The following RNF138 variants were observed in gnomAD, a reference collection of about 807,000 sequenced individuals.
RNF138 encodes E3 ubiquitin-protein ligase RNF138.
Under a neutral mutation model 31.0 loss-of-function variants are expected in RNF138, and 12 were observed. That is an observed-to-expected ratio of 0.39 (90% CI 0.25 to 0.63). The LOEUF (loss-of-function observed/expected upper bound fraction) is 0.63, where lower values mean the gene tolerates loss of function less well. Among genes scored for constraint, RNF138 ranks in the 20% least tolerant of loss-of-function variants. The probability of loss-of-function intolerance (pLI) is 0.52; values close to 1 mark genes in which losing one functional copy is unlikely to be tolerated. For synonymous variants in RNF138, 105 were observed against 99.5 expected, an observed-to-expected ratio of 1.06 and a Z score of -0.33; for missense variants, 192 against 300.1, an observed-to-expected ratio of 0.64 and a Z score of 2.66.
chr18:32,096,224 A>G (rs28596473), intron 2 of RNF138, among the ~76,000 whole-genome samples: 2,324 of 152,286 alleles, frequency 0.015, 63 homozygotes, highest in African/African-American at 0.053. Context: ...GCGTGGTCAC[A>G]TTTCATTTTT....
At chr18:32,125,956 T>C (rs1202603086) in intron 6 of RNF138, among the ~76,000 whole-genome samples, 1 of 152,204 alleles carries the variant, frequency 6.6e-6, no homozygotes, top group Non-Finnish European at 1.5e-5. Context: ...TTTTACTTAG[T>C]TTTATATTGG....
chr18:32,098,607 C>T (rs1171453689), intron 2 of RNF138, among the ~76,000 whole-genome samples: 4 of 152,058 alleles, frequency 2.6e-5, no homozygotes, highest in African/African-American at 4.8e-5. Context: ...CATCCCAGCA[C>T]TTTGGGAGGC....
intron 4 of RNF138, among the ~76,000 whole-genome samples, chr18:32,119,461 G>A (rs1224823477): frequency 6.6e-6 from 1 of 151,840 alleles, no homozygotes; most frequent in Admixed American, 6.6e-5. Context: ...GTCTAACTCT[G>A]TCTCTCAGGC....
chr18:32,102,742 C>T (rs1211545087), intron 2 of RNF138, among the ~76,000 whole-genome samples: 2 of 151,734 alleles, frequency 1.3e-5, no homozygotes, highest in Admixed American at 1.3e-4. Context: ...AAGTGATTCT[C>T]CTGCCTCAGC....
In RNF138 at chr18:32,111,739, C is replaced by T. The variant is rs754076818; in HGVS notation, c.111-15C>T. The T allele has an allele frequency of 1.2e-6, 2 of 1,603,106 alleles. No homozygotes were observed. The highest frequency in any genetic ancestry group is 3.5e-5 in the Admixed American group (2 of 57,686). On this transcript the variant is annotated splice_polypyrimidine_tract_variant and intron_variant, in intron 2 of 7. Coordinates refer to ENST00000261593, the MANE Select transcript of RNF138 (RefSeq NM_016271.5). ...AATTTTTTTTGTAATTAATGTGTCA[C>T]AATGTTTGGTTTAGTTTCTGTAGAA...
chr18:32,129,167 T>A lies in RNF138; in HGVS notation c.718T>A (p.Ser240Thr). The A allele has an allele frequency of 1.9e-6, 3 of 1,612,054 alleles. No individual in the cohort carries two copies. The highest frequency in any genetic ancestry group is 1.3e-5 in the African/African-American group (1 of 74,988). ...ETQYQTAVEE[S>T]FQVNI ...CCAATACCAAACTGCTGTTGAAGAA[T>A]CTTTTCAAGTAAACATCTGAAGGCT... The change falls in exon 8 of 8, where the codon TCT (serine) becomes ACT (threonine). Residue 240 changes from serine to threonine, a missense_variant. Coordinates refer to ENST00000261593, the MANE Select transcript of RNF138 (RefSeq NM_016271.5).
At chr18:32,129,049 A>C in intron 7 of RNF138, 70 bp from the exon 8 acceptor site, 2 of 1,001,742 alleles carry the variant, frequency 2.0e-6, no homozygotes, top group Admixed American at 1.7e-5. Context: ...CAAGATGTCT[A>C]ATGTTTTGGG....
At chr18:32,127,296 A>G (rs918690768) in intron 7 of RNF138, among the ~76,000 whole-genome samples, 1 of 152,226 alleles carries the variant, frequency 6.6e-6, no homozygotes, top group African/African-American at 2.4e-5. Flanking sequence ...AAGTTATATA[A>G]TGTAAAAATG....
At chr18:32,123,655 T>A in intron 5 of RNF138, 81 bp downstream of exon 5, 1 of 838,068 alleles carries the variant, frequency 1.2e-6, no homozygotes, top group Non-Finnish European at 1.7e-6. Flanking sequence ...AATTAAACTT[T>A]TTTTTTTTTT....
At position 32,129,005 on chromosome 18, in the gene RNF138, GTGTGTAATGTGTGTCAAGA is replaced by G. The variant is rs374063860; in HGVS notation, c.670-101_670-83del. On this transcript the variant is annotated intron_variant, in intron 7 of 7. Transcript: ENST00000261593. ...TATGTTTTACATAACTGTCCTGAGT[GTGTGTAATGTGTGTCAAGA>G]TGTGTAATGTGTATCAAGATGTCTA... The G allele has an allele frequency of 2.6e-3, 1,829 of 695,418 alleles. 35 individuals are homozygous for G. The African/African-American group carries it at 0.027, about 10-fold the overall frequency. The allele number at this position is 695,418 out of a possible 1,614,324, so 43.1% of individuals were successfully genotyped here.
rs149823341 is a variant in RNF138, at chr18:32,122,864, T to C, written c.393-654T>C. Among the ~76,000 whole-genome samples the C allele has an allele frequency of 2.0e-4, 30 of 152,214 alleles. No individual in the cohort carries two copies. The East Asian group carries it at 5.8e-3, about 29-fold the overall frequency. On this transcript the variant is annotated intron_variant, in intron 4 of 7. Transcript: ENST00000261593. ...AACTAAATAAATAAAATTGACCACATTGATCAAATTCTGTAGCACACAGGT... is the reference window on the plus strand; with the variant it reads ...AACTAAATAAATAAAATTGACCACACTGATCAAATTCTGTAGCACACAGGT...
At chr18:32,095,490 G>A (rs955206761) in intron 2 of RNF138, among the ~76,000 whole-genome samples, 1 of 152,138 alleles carries the variant, frequency 6.6e-6, no homozygotes, top group African/African-American at 2.4e-5. Context: ...AATTAACATA[G>A]TTATCTATGT....
chr18:32,121,084 G>A (rs942831293), intron 4 of RNF138, among the ~76,000 whole-genome samples: 6 of 151,458 alleles, frequency 4.0e-5, no homozygotes, highest in Non-Finnish European at 8.8e-5. Context: ...GCAATTAGCC[G>A]CGATCGCGCC....
At chr18:32,126,303 A>T (rs1236544438) in intron 6 of RNF138, among the ~76,000 whole-genome samples, 1 of 152,252 alleles carries the variant, frequency 6.6e-6, no homozygotes, top group Non-Finnish European at 1.5e-5. Flanking sequence ...TTTTTATTTT[A>T]CTTACAAATG....
rs116403100 is a variant in RNF138 at position 32,092,785 on chromosome 18, G to C, written c.9G>C (p.Glu3Asp). MA[E>D]DLSAATSYTE... is the part of the protein sequence containing the mutation. ...TTTCCCCATCCCCCGCCATGGCCGA[G>C]GACCTCTCTGCGGCCACGTCCTACA... The change falls in exon 2 of 8, where the codon GAG becomes GAC. Residue 3 changes from glutamate (E) to aspartate (D), a missense_variant. Coordinates refer to ENST00000261593, the MANE Select transcript of RNF138 (RefSeq NM_016271.5). The C allele has an allele frequency of 1.8e-3, 2,829 of 1,582,670 alleles. 46 individuals are homozygous for C. The African/African-American group carries it at 0.034, about 19-fold the overall frequency.
chr18:32,092,641 C>G (rs944585667), intron 1 of RNF138, 59 bp from the exon 2 acceptor site: 4 of 660,204 alleles, frequency 6.1e-6, no homozygotes, highest in Non-Finnish European at 8.3e-6. Flanking sequence ...GGCCCCGCCC[C>G]CTTCCTGGCG....
In RNF138 at chr18:32,103,463, G is replaced by GAAT. The variant is rs368598319; in HGVS notation, c.111-8290_111-8289insATA. Reference sequence around the variant, plus strand: ...CTGCCTCAGCCTCCCAAAGTGTTGAGATTATAGGTGCGAGCCACTGTGTCT... The same window carrying GAAT: ...CTGCCTCAGCCTCCCAAAGTGTTGAGAATATTATAGGTGCGAGCCACTGTGTCT... On this transcript the variant is annotated intron_variant, in intron 2 of 7. Coordinates refer to ENST00000261593, the MANE Select transcript of RNF138 (RefSeq NM_016271.5). 7.2e-3 allele frequency among the ~76,000 whole-genome samples: 1,091 copies of GAAT among 151,914 alleles called. 19 individuals carry two copies. Among genetic ancestry groups the GAAT allele is most frequent in the African/African-American group, 0.025 (1,045 of 41,420 alleles).
At chr18:32,112,681 TAAAA>T (rs542076466) in intron 3 of RNF138, among the ~76,000 whole-genome samples, 1 of 151,742 alleles carries the variant, frequency 6.6e-6, no homozygotes, top group South Asian at 2.1e-4. Context: ...AAACGCTGTC[TAAAA>T]AAAAAGAAGA....
chr18:32,118,840 A>C (rs912914312), intron 4 of RNF138, among the ~76,000 whole-genome samples: 1 of 152,070 alleles, frequency 6.6e-6, no homozygotes, highest in Non-Finnish European at 1.5e-5. Flanking sequence ...AAAAAAAAAG[A>C]AAATAATAAT....
Sources: allele counts gnomAD v4.1 joint callset (sites outside exome capture counted in the v4.1 genomes callset), GRCh38; gene constraint gnomAD v4.1.1; transcripts MANE v1.5; gene names NCBI Gene and HGNC (gene_info 2026-07-23, HGNC 2026-07-21).